DDX19A: variants seen among roughly 807,000 people sequenced by gnomAD.
DDX19A encodes DEAD-box helicase 19A.
In DDX19A, 12 loss-of-function variants were observed where a neutral mutation model predicts 60.6. That is an observed-to-expected ratio of 0.20 (90% CI 0.13 to 0.32). The LOEUF is 0.32. DDX19A is among the 10% of genes least tolerant of loss of function. The pLI, the probability that DDX19A is intolerant of heterozygous loss-of-function variation, is 1.00. For synonymous variants in DDX19A, 206 were observed against 218.2 expected (o/e 0.94, Z 0.49); for missense variants, 337 against 600.6 (o/e 0.56, Z 4.59).
In DDX19A at chr16:70,347,037, G is replaced by A. The variant is rs943649379; in HGVS notation, c.46G>A (p.Ala16Thr). Residue 16 changes from alanine (A) to threonine (T), a missense_variant, in exon 1 of 12, where the codon GCT becomes ACT. By Grantham distance (58) the Ala-to-Thr change is moderately conservative (BLOSUM62 0). Coordinates refer to ENST00000302243, the MANE Select transcript of DDX19A (RefSeq NM_018332.5). ...CCTGGCGGTGGACGAGCAGGAAGCG[G>A]CTGTCAAGTCGGTCAGTAGCTCAGC... Reference protein sequence around the residue: ...WALAVDEQEAAVKSMTNLQIK... With the variant: ...WALAVDEQEATVKSMTNLQIK... 6.2e-7 allele frequency: 1 copy of A among 1,612,228 alleles called. No individual in the cohort carries two copies. The highest frequency in any genetic ancestry group is 8.5e-7 in the Non-Finnish European group (1 of 1,179,658).
chr16:70,357,270 A>AT lies in DDX19A; in HGVS notation c.293+1023_293+1024insT, dbSNP rs1037323801. ...CGAGACTCTCTCTCAAAAAAAAAAA[A>AT]ATATATATATATATATATGTATATT... On this transcript the variant is annotated intron_variant, in intron 4 of 11. Coordinates refer to ENST00000302243, the MANE Select transcript of DDX19A (RefSeq NM_018332.5). 3.7e-3 allele frequency among the ~76,000 whole-genome samples: 459 copies of AT among 123,026 alleles called. 3 individuals are homozygous for AT. Among genetic ancestry groups the AT allele is most frequent in the East Asian group, 7.6e-3 (35 of 4,588 alleles). 80.7% of individuals were successfully genotyped at this position (123,026 alleles called of 152,430 possible).
chr16:70,358,124 G>A (rs751586284), intron 4 of DDX19A, among the ~76,000 whole-genome samples: 2 of 152,146 alleles, frequency 1.3e-5, no homozygotes, highest in Admixed American at 6.6e-5. Flanking sequence ...TCTACCTCCC[G>A]GGTTCAAGCG....
chr16:70,351,757 T>C (rs1325656823), intron 2 of DDX19A, among the ~76,000 whole-genome samples: 2 of 151,846 alleles, frequency 1.3e-5, no homozygotes, highest in East Asian at 3.9e-4. Context: ...CTCGATGTCC[T>C]GACCTCGTGA....
Position 70,357,933 on chromosome 16 carries a change from G to C in DDX19A, c.293+1686G>C, listed in dbSNP as rs1036482691. Among the ~76,000 whole-genome samples the C allele has an allele frequency of 9.2e-5, 14 of 152,236 alleles. 1 individual carries two copies. The highest frequency in any genetic ancestry group is 2.0e-4 in the Admixed American group (3 of 15,276). ...ACAAATTGAAGCCACATTCCTTCCAGCTATTACCACTGAGAAAGAGACACT... is the reference window on the plus strand; with the variant it reads ...ACAAATTGAAGCCACATTCCTTCCACCTATTACCACTGAGAAAGAGACACT... On this transcript the variant is annotated intron_variant, in intron 4 of 11. Transcript: ENST00000302243.
chr16:70,349,446 T>C (rs533667439), intron 1 of DDX19A, among the ~76,000 whole-genome samples: 2 of 152,296 alleles, frequency 1.3e-5, no homozygotes, highest in Admixed American at 1.3e-4. Context: ...CCCCCTCTTA[T>C]CAGTTCTAGG....
At chr16:70,352,283 CTTTT>C (rs58812314) in intron 2 of DDX19A, among the ~76,000 whole-genome samples, 4 of 135,318 alleles carry the variant, frequency 3.0e-5, no homozygotes, top group East Asian at 2.1e-4. Flanking sequence ...TCATCCATGT[CTTTT>C]TTTTTTTTTT....
chr16:70,367,176 C>T (rs1156418817), intron 9 of DDX19A, among the ~76,000 whole-genome samples: 3 of 152,112 alleles, frequency 2.0e-5, no homozygotes, highest in Non-Finnish European at 4.4e-5. Context: ...TGCCTGTAAT[C>T]CCAGCATTTT....
intron 4 of DDX19A, among the ~76,000 whole-genome samples, chr16:70,358,306 C>G (rs1964273432): frequency 6.6e-6 from 1 of 152,164 alleles, no homozygotes; most frequent in South Asian, 2.1e-4. Context: ...GCTGGGATTA[C>G]AGGCATGAGC....
intron 2 of DDX19A, among the ~76,000 whole-genome samples, chr16:70,355,031 T>C (rs1363764901): frequency 6.6e-6 from 1 of 151,976 alleles, no homozygotes; most frequent in African/African-American, 2.4e-5. Flanking sequence ...GAAATAAAAA[T>C]TCACTAAACA....
chr16:70,361,527 A>C lies in DDX19A; in HGVS notation c.386+17A>C. ...TGCTGAACCGTGAGTATGCAGATGA[A>C]GCGCATCTCACCCAGTGTGATTAGA... On this transcript the variant is annotated intron_variant, in intron 5 of 11. Transcript: ENST00000302243. The C allele has an allele frequency of 6.3e-7, 1 of 1,577,748 alleles. No homozygotes were observed. Among genetic ancestry groups the C allele is most frequent in the Non-Finnish European group, 8.7e-7 (1 of 1,149,160 alleles).
intron 1 of DDX19A, 140 bp downstream of exon 1, chr16:70,347,188 A>G (rs769260131): frequency 1.1e-4 from 89 of 808,158 alleles, no homozygotes; most frequent in Non-Finnish European, 1.6e-4. Flanking sequence ...CTTGCCCTTG[A>G]TTTGCTCTTA....
intron 3 of DDX19A, 125 bp downstream of exon 3, chr16:70,355,660 AGAG>A (rs1555552288): frequency 1.0e-4 from 83 of 790,842 alleles, no homozygotes; most frequent in African/African-American, 1.7e-5. Context: ...ATAGTCAGTG[AGAG>A]GAGGAGAACA....
At position 70,368,355 on chromosome 16, in the gene DDX19A, C is replaced by A. The variant is rs556587853; in HGVS notation, c.1020+1494C>A. On this transcript the variant is annotated intron_variant, in intron 9 of 11. Transcript: ENST00000302243. ...TGGTGTGATCTAGGCTCACTGCAAC[C>A]TCCGCCTCCTGGGTTCAAGCAATTC... 5.9e-5 allele frequency among the ~76,000 whole-genome samples: 9 copies of A among 152,118 alleles called. No homozygotes were observed. The South Asian group carries it at 1.2e-3, about 21-fold the overall frequency.
At chr16:70,356,296 C>T in intron 4 of DDX19A, 49 bp downstream of exon 4, 1 of 1,603,478 alleles carries the variant, frequency 6.2e-7, no homozygotes, top group Non-Finnish European at 8.5e-7. Flanking sequence ...TCTCTCCCCA[C>T]ATAAAACTTA....
intron 9 of DDX19A, among the ~76,000 whole-genome samples, chr16:70,367,191 G>C (rs1436300726): frequency 6.6e-6 from 1 of 152,142 alleles, no homozygotes; most frequent in Admixed American, 6.5e-5. Flanking sequence ...CATTTTGGGA[G>C]GCCGAGATGG....
At chr16:70,348,086 T>C in intron 1 of DDX19A, 2 of 361,252 alleles carry the variant, frequency 5.5e-6, no homozygotes, top group East Asian at 9.9e-5. Flanking sequence ...AAGTGATGGC[T>C]AATAGAAATA....
At chr16:70,370,191 C>CT in intron 9 of DDX19A, 32 bp from the exon 10 acceptor site, 1 of 1,597,550 alleles carries the variant, frequency 6.3e-7, no homozygotes, top group Admixed American at 1.8e-5. Context: ...TACTCAAATA[C>CT]TTTCATTTCT....
chr16:70,354,135 T>A (rs570542341), intron 2 of DDX19A, among the ~76,000 whole-genome samples: 1 of 151,884 alleles, frequency 6.6e-6, no homozygotes, highest in Non-Finnish European at 1.5e-5. Context: ...CCAATTAATA[T>A]TTCTGGGGTT....
intron 4 of DDX19A, chr16:70,356,795 C>A: frequency 9.9e-7 from 1 of 1,007,276 alleles, no homozygotes. Flanking sequence ...TTTTTTAATG[C>A]TTCAAATTGA....
Sources: gnomAD v4.1 joint callset for allele counts (sites outside exome capture counted in the v4.1 genomes callset) on GRCh38, gnomAD v4.1.1 for gene constraint, MANE v1.5 for transcripts, NCBI Gene and HGNC (gene_info 2026-07-23, HGNC 2026-07-21) for gene names.